The following CEP85L variants were observed in gnomAD, a reference collection of about 807,000 sequenced individuals.
The protein encoded by CEP85L is centrosomal protein 85L.
A neutral mutation model predicts 100.3 loss-of-function variants in CEP85L; 60 were observed. The ratio of observed to expected loss-of-function variants is 0.60; its 90% CI spans 0.49 to 0.74. CEP85L has a LOEUF of 0.74. CEP85L is among the 30% of genes least tolerant of loss of function. The pLI is 0.00. For synonymous variants in CEP85L, 319 were observed against 322.7 expected (o/e 0.99, Z 0.12); for missense variants, 973 against 936.2 (o/e 1.04, Z -0.51).
Position 118,688,730 on chromosome 6 carries a change from C to T in CEP85L, c.-28+21306G>A, listed in dbSNP as rs114360760. On this transcript the variant is annotated intron_variant, in intron 1 of 13. Coordinates refer to the CEP85L transcript ENST00000368488. ...AGCAGGTACGTTGGAGCCTCCTTTC[C>T]ATTTCTTTGGCCCACTCCTATTTCA... is the stretch of plus-strand genomic sequence containing the variant. Among the ~76,000 whole-genome samples the T allele has an allele frequency of 8.0e-3, 1,212 of 152,290 alleles. 13 individuals are homozygous for T. The highest frequency in any genetic ancestry group is 0.028 in the African/African-American group (1,150 of 41,552).
At chr6:118,678,210 G>T (rs1776541390) in intron 1 of CEP85L, among the ~76,000 whole-genome samples, 1 of 152,250 alleles carries the variant, frequency 6.6e-6, no homozygotes, top group African/African-American at 2.4e-5. Context: ...AATAAAGGTT[G>T]CTCAGCCCAC....
At position 118,651,132 on chromosome 6, in the gene CEP85L, A is replaced by AGGTCCCGAGGCGCCGC. The variant is rs1001380035; in HGVS notation, c.73+49_73+64dup. ...CTGAGGCGGGAGGGGAGCGGCGGCG[A>AGGTCCCGAGGCGCCGC]GGTCCCGAGGCGCCGCGGTCGGCCG... On this transcript the variant is annotated intron_variant, in intron 1 of 12. Coordinates refer to ENST00000368491, the MANE Select transcript of CEP85L (RefSeq NM_001042475.3). 8.3e-6 allele frequency: 12 copies of AGGTCCCGAGGCGCCGC among 1,441,624 alleles called. No homozygotes were observed. In the East Asian group the frequency reaches 3.6e-4, roughly 43 times the overall value. 89.3% of individuals were successfully genotyped at this position (1,441,624 alleles called of 1,614,324 possible).
At chr6:118,538,156 A>G (rs1777705375) in intron 3 of CEP85L, 1 of 172,070 alleles carries the variant, frequency 5.8e-6, no homozygotes. Context: ...TCTAACAACA[A>G]CAAAAAAACC....
chr6:118,578,635 A>C (rs1309972726), intron 2 of CEP85L, among the ~76,000 whole-genome samples: 2 of 152,168 alleles, frequency 1.3e-5, no homozygotes, highest in Non-Finnish European at 2.9e-5. Context: ...AGGCTGAGGC[A>C]GGAGAATGAC....
At chr6:118,511,736 G>A (rs1483383358) in intron 4 of CEP85L, among the ~76,000 whole-genome samples, 2 of 152,096 alleles carry the variant, frequency 1.3e-5, no homozygotes, top group Non-Finnish European at 2.9e-5. Context: ...AATAAAGATA[G>A]TATGAGTAAA....
At chr6:118,593,772 T>A (rs1781317968) in intron 2 of CEP85L, among the ~76,000 whole-genome samples, 1 of 152,052 alleles carries the variant, frequency 6.6e-6, no homozygotes, top group South Asian at 2.1e-4. Flanking sequence ...TATGAACAAG[T>A]CACCACCAGC....
Position 118,559,011 on chromosome 6 carries a change from T to C in CEP85L, c.1020+6518A>G, listed in dbSNP as rs868301643. 8 of 1,604,934 alleles carry C rather than the reference T, an allele frequency of 5.0e-6. No homozygotes were observed. In the Middle Eastern group the frequency reaches 1.3e-3, roughly 266 times the overall value. On this transcript the variant is annotated intron_variant, in intron 3 of 12. Coordinates refer to ENST00000368491, the MANE Select transcript of CEP85L (RefSeq NM_001042475.3). ...AACAAGCACGTCAAAAGCTACAGAA[T>C]CTATTTATCAATTTCTGTCTCATCT...
chr6:118,631,136 GA>G (rs1236866666), intron 2 of CEP85L, among the ~76,000 whole-genome samples: 1 of 152,118 alleles, frequency 6.6e-6, no homozygotes, highest in Non-Finnish European at 1.5e-5. Flanking sequence ...AGGAGATAAT[GA>G]CATTGGAGGA....
At chr6:118,595,586 A>T (rs1183694887) in intron 2 of CEP85L, among the ~76,000 whole-genome samples, 1 of 152,200 alleles carries the variant, frequency 6.6e-6, no homozygotes, top group East Asian at 1.9e-4. Flanking sequence ...ACCTTCTAAA[A>T]GCTCCAGGTT....
chr6:118,477,471 T>G (rs1295509650), intron 10 of CEP85L, among the ~76,000 whole-genome samples: 1 of 152,204 alleles, frequency 6.6e-6, no homozygotes. Context: ...AGCTGTATTT[T>G]GAACACAGCA....
At chr6:118,475,356 T>C (rs902655151) in intron 10 of CEP85L, among the ~76,000 whole-genome samples, 1 of 146,358 alleles carries the variant, frequency 6.8e-6, no homozygotes, top group Non-Finnish European at 1.5e-5. Flanking sequence ...CATTTTTTTT[T>C]TTTTTTTTTT....
intron 3 of CEP85L, among the ~76,000 whole-genome samples, chr6:118,536,350 A>G (rs970951347): frequency 7.2e-5 from 11 of 152,200 alleles, no homozygotes; most frequent in African/African-American, 2.7e-4. Flanking sequence ...ACTGGGCATT[A>G]GAAATTTTGT....
intron 10 of CEP85L, among the ~76,000 whole-genome samples, chr6:118,472,763 G>A (rs1291634187): frequency 6.6e-6 from 1 of 152,054 alleles, no homozygotes; most frequent in Non-Finnish European, 1.5e-5. Context: ...TAGACATGTA[G>A]GGGATTAATA....
intron 4 of CEP85L, among the ~76,000 whole-genome samples, chr6:118,518,345 G>C (rs986684758): frequency 3.3e-5 from 5 of 152,196 alleles, no homozygotes; most frequent in Admixed American, 1.3e-4. Context: ...ATTTGGCTGT[G>C]AATCTGTCTG....
intron 3 of CEP85L, among the ~76,000 whole-genome samples, chr6:118,554,020 A>T (rs1264189703): frequency 6.6e-6 from 1 of 152,170 alleles, no homozygotes; most frequent in Non-Finnish European, 1.5e-5. Flanking sequence ...ACTTATTATT[A>T]AAAATGAGGG....
Position 118,585,774 on chromosome 6 carries a change from T to C in CEP85L, c.233-19458A>G, listed in dbSNP as rs189861096. Among the ~76,000 whole-genome samples, 627 of 152,326 alleles carry C rather than the reference T, an allele frequency of 4.1e-3. 3 individuals carry two copies. The highest frequency in any genetic ancestry group is 1.0e-2 in the South Asian group (48 of 4,822). On this transcript the variant is annotated intron_variant, in intron 2 of 12. Transcript: ENST00000368491. Reference sequence around the variant, plus strand: ...GCAAGTTGTTCATGCTTGTGAAGTCTGTCTTAAAAATAATCCCCTGAACAG... The same window carrying C: ...GCAAGTTGTTCATGCTTGTGAAGTCCGTCTTAAAAATAATCCCCTGAACAG...
At chr6:118,602,824 CTT>C (rs780515256) in intron 2 of CEP85L, among the ~76,000 whole-genome samples, 4 of 144,464 alleles carry the variant, frequency 2.8e-5, no homozygotes, top group Admixed American at 1.4e-4. Flanking sequence ...TCAGATAAGA[CTT>C]TTTTTTTTTT....
chr6:118,508,823 G>A (rs1044625478), intron 5 of CEP85L, among the ~76,000 whole-genome samples: 1 of 151,926 alleles, frequency 6.6e-6, no homozygotes, highest in East Asian at 1.9e-4. Context: ...TCAGAAAAAT[G>A]TACCTATACA....
chr6:118,539,379 C>T (rs1483833191), intron 3 of CEP85L, among the ~76,000 whole-genome samples: 1 of 152,052 alleles, frequency 6.6e-6, no homozygotes, highest in Non-Finnish European at 1.5e-5. Flanking sequence ...ACCATATAGC[C>T]TAGGCGTGTA....
Sources: allele counts gnomAD v4.1 joint callset (sites outside exome capture counted in the v4.1 genomes callset), GRCh38; gene constraint gnomAD v4.1.1; transcripts MANE v1.5; gene names NCBI Gene and HGNC (gene_info 2026-07-23, HGNC 2026-07-21).